Variants in MEI1 observed in about 807,000 individuals in gnomAD.
The protein encoded by MEI1 is meiosis inhibitor protein 1.
In MEI1, 103 loss-of-function variants were observed where a neutral mutation model predicts 146.2. The observed-to-expected ratio is 0.70, with a 90% CI of 0.60 to 0.83. The LOEUF (loss-of-function observed/expected upper bound fraction) is 0.83. Among genes scored for constraint, MEI1 ranks in the 40% least tolerant of loss-of-function variants. The pLI is 0.00. For missense variants in MEI1, 1,529 were observed against 1,533.0 expected (o/e 1.00, Z 0.04); for synonymous variants, 652 against 628.2 (o/e 1.04, Z -0.57).
Position 41,746,000 on chromosome 22 carries a change from G to T in MEI1, c.1654G>T (p.Asp552Tyr). 6.2e-7 allele frequency: 1 copy of T among 1,608,180 alleles called. No individual in the cohort carries two copies. Among genetic ancestry groups the T allele is most frequent in the South Asian group, 1.1e-5 (1 of 90,106 alleles). ...CTCAGAATTTCTTCTCAGTGCCTGTGACTCGCTGTGTATCCCCATGGTGAT... is the reference window on the plus strand; with the variant it reads ...CTCAGAATTTCTTCTCAGTGCCTGTTACTCGCTGTGTATCCCCATGGTGAT... Reference protein sequence around the residue: ...AFSEFLLSACDSLCIPMVMRH... With the variant: ...AFSEFLLSACYSLCIPMVMRH... The change falls in exon 14 of 31, where the codon GAC becomes TAC. Residue 552 changes from aspartate (D) to tyrosine (Y), a missense_variant. Asp to Tyr is a radical substitution (Grantham distance 160, BLOSUM62 -3). Coordinates refer to ENST00000401548, the MANE Select transcript of MEI1 (RefSeq NM_152513.4).
At chr22:41,699,793 G>A in intron 1 of MEI1, 81 bp downstream of exon 1, 2 of 1,445,266 alleles carry the variant, frequency 1.4e-6, no homozygotes, top group Non-Finnish European at 1.8e-6. Context: ...TGCCAGACCC[G>A]CTCCGGTGAA....
intron 18 of MEI1, among the ~76,000 whole-genome samples, chr22:41,762,467 T>G (rs2074556077): frequency 6.6e-6 from 1 of 151,564 alleles, no homozygotes; most frequent in South Asian, 2.1e-4. Flanking sequence ...CTCAACCTCC[T>G]GGGCTCCAGC....
intron 4 of MEI1, among the ~76,000 whole-genome samples, chr22:41,715,071 G>A (rs1273904295): frequency 6.6e-6 from 1 of 152,046 alleles, no homozygotes; most frequent in Admixed American, 6.6e-5. Flanking sequence ...TAATATGTCA[G>A]ATTGAATTTA....
intron 26 of MEI1, among the ~76,000 whole-genome samples, chr22:41,785,329 C>G (rs1421329133): frequency 6.6e-6 from 1 of 151,612 alleles, no homozygotes; most frequent in Non-Finnish European, 1.5e-5. Context: ...GTGGCGTGAT[C>G]TCGACTCACT....
At chr22:41,735,567 T>C (rs983001485) in intron 11 of MEI1, among the ~76,000 whole-genome samples, 1 of 152,176 alleles carries the variant, frequency 6.6e-6, no homozygotes, top group Non-Finnish European at 1.5e-5. Context: ...TTAAAAAATA[T>C]TTTTGGTCCA....
intron 19 of MEI1, among the ~76,000 whole-genome samples, chr22:41,767,382 C>A (rs1320867463): frequency 6.6e-6 from 1 of 152,164 alleles, no homozygotes; most frequent in African/African-American, 2.4e-5. Context: ...GGGCCTTGGG[C>A]AGAGTTATCT....
Position 41,716,151 on chromosome 22 carries a change from G to A in MEI1, c.529+5G>A. 2 of 1,595,484 alleles carry A rather than the reference G, an allele frequency of 1.3e-6. No individual in the cohort carries two copies. Among genetic ancestry groups the A allele is most frequent in the Non-Finnish European group, 1.7e-6 (2 of 1,168,956 alleles). On this transcript the variant is annotated splice_donor_5th_base_variant and intron_variant, in intron 5 of 30. Coordinates refer to ENST00000401548, the MANE Select transcript of MEI1 (RefSeq NM_152513.4). Reference sequence around the variant, plus strand: ...ACGAGCTTGTAATGGAGCATGGTGAGTGACCTGTGGGAGGAGCTGCCACTA... The same window carrying A: ...ACGAGCTTGTAATGGAGCATGGTGAATGACCTGTGGGAGGAGCTGCCACTA...
chr22:41,785,647 T>G (rs1005142102), intron 26 of MEI1, among the ~76,000 whole-genome samples: 13 of 151,512 alleles, frequency 8.6e-5, no homozygotes, highest in African/African-American at 3.2e-4. Flanking sequence ...CACTGCAACC[T>G]CCGCCTCCCA....
In MEI1 at chr22:41,763,318, T is replaced by C; in HGVS notation, c.2265T>C (p.Arg755=). The C allele has an allele frequency of 6.2e-7, 1 of 1,613,740 alleles. No individual in the cohort carries two copies. Among genetic ancestry groups the C allele is most frequent in the South Asian group, 1.1e-5 (1 of 91,056 alleles). Residue 755 remains arginine, a synonymous_variant, in exon 19 of 31, where the codon CGT becomes CGC. Coordinates refer to ENST00000401548, the MANE Select transcript of MEI1 (RefSeq NM_152513.4). The part of the protein sequence containing the change: ...AICQDKDNTL[R]ETMVSAIRKF... ...GCCAGGACAAAGACAATACACTACG[T>C]GAGGTATGGACCACAATGCCTGGGC...
At chr22:41,796,263 C>T (rs997319008) in intron 30 of MEI1, among the ~76,000 whole-genome samples, 1 of 152,110 alleles carries the variant, frequency 6.6e-6, no homozygotes, top group African/African-American at 2.4e-5. Context: ...TCTTGGCTCA[C>T]TGTAACCTCC....
intron 23 of MEI1, 130 bp from the exon 24 acceptor site, chr22:41,781,555 G>A: frequency 1.6e-6 from 2 of 1,232,112 alleles, no homozygotes; most frequent in South Asian, 3.0e-5. Context: ...TATGAAGCTG[G>A]GACCCTTAGA....
chr22:41,715,941 C>CA, intron 4 of MEI1, 100 bp from the exon 5 acceptor site: 1 of 804,148 alleles, frequency 1.2e-6, no homozygotes, highest in East Asian at 2.8e-5. Flanking sequence ...GTGAGAGACA[C>CA]ATGCAATACA....
intron 18 of MEI1, among the ~76,000 whole-genome samples, chr22:41,759,662 A>AATAAATAAATAAAT (rs1327610602): frequency 2.6e-5 from 3 of 117,094 alleles, no homozygotes; most frequent in African/African-American, 9.5e-5. Context: ...TAAATAAATA[A>AATAAATAAATAAAT]AAATAAAAAT....
intron 21 of MEI1, among the ~76,000 whole-genome samples, chr22:41,776,880 C>G (rs2075465713): frequency 6.6e-6 from 1 of 152,102 alleles, no homozygotes; most frequent in Admixed American, 6.6e-5. Context: ...GTGGCAAGAT[C>G]TCTGCTCACT....
chr22:41,758,428 A>G lies in MEI1; in HGVS notation c.2015A>G (p.Glu672Gly). 1.2e-6 allele frequency: 2 copies of G among 1,613,956 alleles called. No individual in the cohort carries two copies. The highest frequency in any genetic ancestry group is 1.7e-6 in the Non-Finnish European group (2 of 1,179,882). Residue 672 changes from glutamate (E) to glycine (G), a missense_variant, in exon 18 of 31, where the codon GAA becomes GGA. Around this residue, in one of 3 missense-constraint regions of MEI1, gnomAD observed 1,212 missense variants for 1,178.9 expected, o/e 1.03. Transcript: ENST00000401548. Reference sequence around the variant, plus strand: ...CCCCAGATAAGCAGCAGGAGCCCTGAAAGCCTTGCCTTCCTGTCTGATCGC... The same window carrying G: ...CCCCAGATAAGCAGCAGGAGCCCTGGAAGCCTTGCCTTCCTGTCTGATCGC... Reference protein sequence around the residue: ...GLPQISSRSPESLAFLSDRQY... With the variant: ...GLPQISSRSPGSLAFLSDRQY...
chr22:41,779,503 C>A (rs1035826092), intron 22 of MEI1, among the ~76,000 whole-genome samples: 1 of 152,058 alleles, frequency 6.6e-6, no homozygotes, highest in Non-Finnish European at 1.5e-5. Context: ...GTCAGGAAGG[C>A]CTGGGTTTGA....
At chr22:41,729,847 G>A in intron 8 of MEI1, 68 bp downstream of exon 8, 3 of 974,882 alleles carry the variant, frequency 3.1e-6, no homozygotes, top group Non-Finnish European at 3.0e-6. Context: ...GTTCAATTGT[G>A]TATGACAGAC....
intron 3 of MEI1, chr22:41,709,546 G>A (rs888795434): frequency 1.1e-5 from 6 of 545,772 alleles, no homozygotes; most frequent in Middle Eastern, 3.7e-4. Flanking sequence ...AGCGGCACAC[G>A]GGCTTTGGTC....
At chr22:41,776,953 T>TA (rs1328666266) in intron 21 of MEI1, among the ~76,000 whole-genome samples, 2 of 150,628 alleles carry the variant, frequency 1.3e-5, no homozygotes, top group Non-Finnish European at 3.0e-5. Context: ...AGCTGGGACT[T>TA]ACAGGTGTGT....
Sources: gnomAD v4.1 joint callset for allele counts (sites outside exome capture counted in the v4.1 genomes callset) on GRCh38, gnomAD v4.1.1 for gene constraint, gnomAD v4.1.1 regional missense constraint, MANE v1.5 for transcripts, NCBI Gene and HGNC (gene_info 2026-07-23, HGNC 2026-07-21) for gene names.